The following TNNI3K variants were observed in gnomAD, a reference collection of about 807,000 sequenced individuals.
The protein encoded by TNNI3K is TNNI3 interacting kinase.
TNNI3K carries 140 observed loss-of-function variants against 114.5 expected under a neutral mutation model. The observed-to-expected ratio is 1.22, with a 90% confidence interval of 1.07 to 1.41. TNNI3K has a LOEUF of 1.41. TNNI3K is among the 40% of genes most tolerant of loss of function. The probability of loss-of-function intolerance (pLI) is 0.00; values close to 1 mark genes in which losing one functional copy is unlikely to be tolerated. For missense variants in TNNI3K, 1,125 were observed against 1,007.6 expected (o/e 1.12, Z -1.58); for synonymous variants, 347 against 347.5 (o/e 1.00, Z 0.02).
chr1:74,256,860 T>C (rs1306440746), intron 4 of TNNI3K, among the ~76,000 whole-genome samples: 1 of 152,120 alleles, frequency 6.6e-6, no homozygotes, highest in Admixed American at 6.5e-5. Context: ...TTTAAAGAAA[T>C]TAATAAGAGA....
At chr1:74,312,773 A>C (rs548886997) in intron 5 of TNNI3K, among the ~76,000 whole-genome samples, 2 of 152,350 alleles carry the variant, frequency 1.3e-5, no homozygotes, top group Admixed American at 1.3e-4. Flanking sequence ...TCTTCTTTTC[A>C]CTAGCTACCA....
chr1:74,435,564 A>G (rs987087541), intron 17 of TNNI3K, among the ~76,000 whole-genome samples: 12 of 152,082 alleles, frequency 7.9e-5, no homozygotes, highest in African/African-American at 2.9e-4. Context: ...ATCATTTCAC[A>G]GATCTCAAAA....
At chr1:74,298,837 C>T (rs935570177) in intron 5 of TNNI3K, among the ~76,000 whole-genome samples, 3 of 152,092 alleles carry the variant, frequency 2.0e-5, no homozygotes, top group Admixed American at 2.0e-4. Context: ...CTGAAGGAAT[C>T]AGAAAGTGTC....
intron 4 of TNNI3K, among the ~76,000 whole-genome samples, chr1:74,257,804 G>A (rs1320701873): frequency 5.3e-5 from 8 of 151,450 alleles, no homozygotes; most frequent in Non-Finnish European, 1.0e-4. Context: ...AGTAGCTGGG[G>A]CTACAGGCGC....
intron 23 of TNNI3K, among the ~76,000 whole-genome samples, chr1:74,507,821 A>G (rs1385093418): frequency 1.3e-5 from 2 of 152,194 alleles, no homozygotes; most frequent in Non-Finnish European, 2.9e-5. Flanking sequence ...GAACTTAAGT[A>G]CCTTTGAAAT....
At chr1:74,237,207 A>G (rs747413210) in intron 2 of TNNI3K, among the ~76,000 whole-genome samples, 12 of 151,982 alleles carry the variant, frequency 7.9e-5, no homozygotes, top group Admixed American at 2.0e-4. Flanking sequence ...TTCTCTTTAT[A>G]GTTTGGCCCA....
At chr1:74,334,622 A>T (rs528038281) in intron 6 of TNNI3K, among the ~76,000 whole-genome samples, 5 of 152,334 alleles carry the variant, frequency 3.3e-5, no homozygotes, top group African/African-American at 9.6e-5. Flanking sequence ...TACCTGAAAC[A>T]ATCGCAGGAA....
intron 9 of TNNI3K, among the ~76,000 whole-genome samples, chr1:74,351,072 T>C (rs1451332580): frequency 6.6e-6 from 1 of 151,646 alleles, no homozygotes; most frequent in Non-Finnish European, 1.5e-5. Flanking sequence ...TGATGGTCTT[T>C]ACAATTTGGC....
chr1:74,439,582 A>G lies in TNNI3K; in HGVS notation c.1971A>G (p.Glu657=), dbSNP rs1279571949. Residue 657 remains glutamate (E), a synonymous_variant, in exon 20 of 25, where the codon GAA becomes GAG. Transcript: ENST00000326637. ...TCAGCTATGCTCTGTGTCTGTGGGA[A>G]ATTCTCACTGGCGAAATTCCATTCG... is the stretch of plus-strand genomic sequence containing the variant. ...DVFSYALCLW[E]ILTGEIPFAH... 1.9e-6 allele frequency: 3 copies of G among 1,613,506 alleles called. No individual in the cohort carries two copies. Among genetic ancestry groups the G allele is most frequent in the South Asian group, 1.1e-5 (1 of 91,066 alleles).
intron 17 of TNNI3K, among the ~76,000 whole-genome samples, chr1:74,395,464 T>C (rs1664029139): frequency 6.6e-6 from 1 of 152,080 alleles, no homozygotes; most frequent in African/African-American, 2.4e-5. Context: ...AGACTGTTAT[T>C]CAGGAGATGA....
intron 21 of TNNI3K, among the ~76,000 whole-genome samples, chr1:74,468,731 C>A (rs1667781810): frequency 6.6e-6 from 1 of 151,904 alleles, no homozygotes; most frequent in South Asian, 2.1e-4. Context: ...GATGTATAGA[C>A]CTAGACAGGT....
Position 74,343,199 on chromosome 1 carries a change from C to T in TNNI3K, c.932+20C>T. The T allele has an allele frequency of 6.3e-7, 1 of 1,592,956 alleles. No homozygotes were observed. ...TCATAGGTAAAAGAATATTTAAGTG[C>T]AATAGCCACTAAACTTAGCTGACAC... is the stretch of plus-strand genomic sequence containing the variant. On this transcript the variant is annotated intron_variant, in intron 9 of 24. Transcript: ENST00000326637.
intron 5 of TNNI3K, among the ~76,000 whole-genome samples, chr1:74,291,652 T>C (rs1657685427): frequency 6.6e-6 from 1 of 151,580 alleles, no homozygotes. Flanking sequence ...TCCAACCTGC[T>C]TTCTGTTACA....
intron 20 of TNNI3K, 132 bp downstream of exon 20, chr1:74,439,754 T>A: frequency 7.2e-7 from 1 of 1,381,290 alleles, no homozygotes; most frequent in Non-Finnish European, 9.7e-7. Flanking sequence ...CAAACAATCT[T>A]AAATTGTTTT....
At chr1:74,277,699 G>A (rs1013255857) in intron 5 of TNNI3K, among the ~76,000 whole-genome samples, 11 of 152,150 alleles carry the variant, frequency 7.2e-5, no homozygotes, top group African/African-American at 2.4e-4. Flanking sequence ...TTCTGCAGCC[G>A]TTGACAACTG....
At chr1:74,479,998 T>C (rs1429850574) in intron 21 of TNNI3K, among the ~76,000 whole-genome samples, 1 of 152,236 alleles carries the variant, frequency 6.6e-6, no homozygotes, top group Non-Finnish European at 1.5e-5. Context: ...TCTTGCAACC[T>C]GTGCCAAATC....
At chr1:74,411,531 G>T (rs1664880210) in intron 17 of TNNI3K, among the ~76,000 whole-genome samples, 2 of 151,890 alleles carry the variant, frequency 1.3e-5, no homozygotes, top group African/African-American at 2.4e-5. Flanking sequence ...TGACACACAG[G>T]TCTTGTCCAG....
intron 21 of TNNI3K, among the ~76,000 whole-genome samples, chr1:74,466,788 G>C (rs1361147419): frequency 6.6e-6 from 1 of 152,176 alleles, no homozygotes; most frequent in Non-Finnish European, 1.5e-5. Context: ...AAAGGGAACA[G>C]TGGGCTGTTT....
intron 24 of TNNI3K, among the ~76,000 whole-genome samples, chr1:74,542,283 AG>A (rs1173592223): frequency 1.3e-5 from 2 of 152,202 alleles, no homozygotes; most frequent in South Asian, 2.1e-4. Flanking sequence ...GGAACATCAC[AG>A]GCCAGTAAAA....
Sources: allele counts gnomAD v4.1 joint callset (sites outside exome capture counted in the v4.1 genomes callset), GRCh38; gene constraint gnomAD v4.1.1; transcripts MANE v1.5; gene names NCBI Gene and HGNC (gene_info 2026-07-23, HGNC 2026-07-21).